Variants in DYNC1I1 observed in about 807,000 individuals in gnomAD.
DYNC1I1 encodes cytoplasmic dynein 1 intermediate chain 1.
Under a neutral mutation model 86.6 loss-of-function variants are expected in DYNC1I1, and 43 were observed. That is an observed-to-expected ratio of 0.50 (90% CI 0.39 to 0.64). The LOEUF (loss-of-function observed/expected upper bound fraction) is 0.64, where lower values mean the gene tolerates loss of function less well. Among genes scored for constraint, DYNC1I1 ranks in the 30% least tolerant of loss-of-function variants. The pLI is 0.00. For missense variants in DYNC1I1, 604 were observed against 788.8 expected (o/e 0.77, Z 2.81); for synonymous variants, 262 against 283.7 (o/e 0.92, Z 0.77).
chr7:95,922,946 C>T (rs1195192258), intron 6 of DYNC1I1, among the ~76,000 whole-genome samples: 1 of 152,024 alleles, frequency 6.6e-6, no homozygotes, highest in Non-Finnish European at 1.5e-5. Context: ...AACTTCTCTC[C>T]TGACCCTATT....
chr7:95,951,010 A>G (rs1792537761), intron 6 of DYNC1I1, among the ~76,000 whole-genome samples: 1 of 152,198 alleles, frequency 6.6e-6, no homozygotes, highest in Admixed American at 6.5e-5. Context: ...CCAAGAAGGA[A>G]CAGAGTCGAA....
intron 6 of DYNC1I1, among the ~76,000 whole-genome samples, chr7:95,952,967 G>A (rs2116484002): frequency 6.6e-6 from 1 of 151,824 alleles, no homozygotes; most frequent in East Asian, 1.9e-4. Context: ...AAGAGTCCAG[G>A]GGTGACCATA....
chr7:95,891,150 G>A (rs1183713680), intron 6 of DYNC1I1, among the ~76,000 whole-genome samples: 1 of 152,156 alleles, frequency 6.6e-6, no homozygotes, highest in Non-Finnish European at 1.5e-5. Context: ...AAAAAACAGG[G>A]AGAAGGTGGT....
intron 5 of DYNC1I1, among the ~76,000 whole-genome samples, chr7:95,846,196 G>A (rs1426297612): frequency 6.6e-6 from 1 of 152,092 alleles, no homozygotes; most frequent in Non-Finnish European, 1.5e-5. Flanking sequence ...ACACACTTCT[G>A]TACCTTCCAT....
chr7:95,990,717 T>G (rs746300388), intron 9 of DYNC1I1, among the ~76,000 whole-genome samples: 5 of 152,156 alleles, frequency 3.3e-5, no homozygotes, highest in Non-Finnish European at 5.9e-5. Context: ...GAGTGTTAAA[T>G]GAATTAATGC....
chr7:95,979,356 C>G (rs1464518527), intron 7 of DYNC1I1, among the ~76,000 whole-genome samples: 2 of 152,162 alleles, frequency 1.3e-5, no homozygotes, highest in Non-Finnish European at 2.9e-5. Context: ...ATCTGGCAAA[C>G]AGGTTTTTAA....
At chr7:95,909,236 A>AGGGGGG (rs1476037005) in intron 6 of DYNC1I1, among the ~76,000 whole-genome samples, 1 of 3,754 alleles carries the variant, frequency 2.7e-4, no homozygotes, top group Non-Finnish European at 4.5e-4. Context: ...GGAGGGTGGG[A>AGGGGGG]GGGGGGTGGG....
chr7:96,065,588 A>G (rs1181653693), intron 14 of DYNC1I1, among the ~76,000 whole-genome samples: 2 of 152,146 alleles, frequency 1.3e-5, no homozygotes. Context: ...GGGTTTCGCC[A>G]TGTTGCCCAG....
In DYNC1I1 at chr7:96,060,931, G is replaced by A. The variant is rs1358124632; in HGVS notation, c.1510-15126G>A. Among the ~76,000 whole-genome samples, 4 of 152,120 alleles carry A rather than the reference G, an allele frequency of 2.6e-5. No individual in the cohort carries two copies. In the East Asian group the frequency reaches 5.8e-4, roughly 22 times the overall value. The stretch of plus-strand genomic sequence containing the variant: ...AAAGGCAGCCCCAAAATGGAACACC[G>A]AAAAAGAAGTCAGAAAACAATGGCT... On this transcript the variant is annotated intron_variant, in intron 14 of 16. Transcript: ENST00000447467.
intron 1 of DYNC1I1, among the ~76,000 whole-genome samples, chr7:95,794,755 T>TAG (rs1794393991): frequency 6.6e-6 from 1 of 152,126 alleles, no homozygotes; most frequent in Non-Finnish European, 1.5e-5. Flanking sequence ...AAAATAGGAC[T>TAG]AGAGACAATA....
intron 16 of DYNC1I1, among the ~76,000 whole-genome samples, chr7:96,103,614 AT>A (rs753097738): frequency 0.023 from 3,361 of 143,046 alleles, 80 homozygotes; most frequent in African/African-American, 0.07. Context: ...CTCTATATGG[AT>A]TTTTTTTTTT....
intron 6 of DYNC1I1, among the ~76,000 whole-genome samples, chr7:95,903,748 T>G (rs191391882): frequency 2.1e-4 from 32 of 152,304 alleles, no homozygotes; most frequent in Admixed American, 2.0e-3. Context: ...CATTCCTCTT[T>G]GATAGGTAAG....
chr7:95,863,475 TTAAA>T (rs1789943264), intron 5 of DYNC1I1, among the ~76,000 whole-genome samples: 1 of 151,078 alleles, frequency 6.6e-6, no homozygotes, highest in South Asian at 2.1e-4. Flanking sequence ...ATTATACAGT[TTAAA>T]TAAGGAAATT....
chr7:95,855,032 T>C (rs1320935529), intron 5 of DYNC1I1, among the ~76,000 whole-genome samples: 2 of 152,208 alleles, frequency 1.3e-5, no homozygotes, highest in Non-Finnish European at 2.9e-5. Context: ...ACTTAAAATA[T>C]ATAAGGAGAC....
chr7:96,103,032 C>T (rs536020384), downstream of DYNC1I1, among the ~76,000 whole-genome samples: 88 of 152,236 alleles, frequency 5.8e-4, no homozygotes, highest in African/African-American at 2.0e-3. Context: ...CCAGAAGGCT[C>T]TGAACATAAG....
chr7:95,969,386 G>A (rs1001585120), intron 6 of DYNC1I1, among the ~76,000 whole-genome samples: 3 of 152,154 alleles, frequency 2.0e-5, no homozygotes, highest in African/African-American at 7.2e-5. Flanking sequence ...ATGGTAGTGG[G>A]TCTTAAATGC....
intron 5 of DYNC1I1, among the ~76,000 whole-genome samples, chr7:95,854,978 C>T (rs2633939): frequency 1.3e-5 from 2 of 151,976 alleles, no homozygotes; most frequent in East Asian, 1.9e-4. Context: ...TTACACATCC[C>T]GATAGGTTGC....
At chr7:95,896,682 A>G (rs960659232) in intron 6 of DYNC1I1, among the ~76,000 whole-genome samples, 4 of 152,216 alleles carry the variant, frequency 2.6e-5, no homozygotes, top group African/African-American at 9.6e-5. Context: ...CCAGTGAGAA[A>G]TCAGAAACCA....
At chr7:96,039,820 A>G (rs1019844400) in intron 14 of DYNC1I1, among the ~76,000 whole-genome samples, 2 of 151,634 alleles carry the variant, frequency 1.3e-5, no homozygotes, top group Non-Finnish European at 2.9e-5. Context: ...ATATGTACCT[A>G]TGGAAATATA....
Sources: gnomAD v4.1 joint callset for allele counts (sites outside exome capture counted in the v4.1 genomes callset) on GRCh38, gnomAD v4.1.1 for gene constraint, MANE v1.5 for transcripts, NCBI Gene and HGNC (gene_info 2026-07-23, HGNC 2026-07-21) for gene names.